Variants in URGCP observed in about 807,000 individuals in gnomAD.
The protein encoded by URGCP is up-regulator of cell proliferation.
Under a neutral mutation model 24.6 loss-of-function variants are expected in URGCP, and 13 were observed. That is an observed-to-expected ratio of 0.53 (90% CI 0.34 to 0.84). The LOEUF (loss-of-function observed/expected upper bound fraction) is 0.84, where lower values mean the gene tolerates loss of function less well. Among genes scored for constraint, URGCP ranks in the 40% least tolerant of loss-of-function variants. The pLI is 0.01. For missense variants in URGCP, 899 were observed against 1,194.3 expected (o/e 0.75, Z 3.64); for synonymous variants, 444 against 487.2 (o/e 0.91, Z 1.17).
chr7:43,894,883 C>G (rs890480572), intron 1 of URGCP, among the ~76,000 whole-genome samples: 2 of 152,016 alleles, frequency 1.3e-5, no homozygotes, highest in African/African-American at 4.8e-5. Context: ...TTGGAAAAAT[C>G]AGCCAACCAT....
intron 1 of URGCP, among the ~76,000 whole-genome samples, chr7:43,890,213 CTTTTTTTTTT>C (rs543947365): frequency 8.3e-5 from 9 of 108,776 alleles, no homozygotes; most frequent in Admixed American, 5.0e-4. Flanking sequence ...CCACTGGAAA[CTTTTTTTTTT>C]TTTTTTTTTG....
At chr7:43,919,026 A>T in intron 1 of URGCP, 4 of 1,123,350 alleles carry the variant, frequency 3.6e-6, no homozygotes, top group Non-Finnish European at 5.5e-6. Flanking sequence ...ATTCTCCCAG[A>T]GGGAGAAGAT....
chr7:43,876,712 T>G lies in URGCP; in HGVS notation c.2751A>C (p.Gln917His). ...CAATGAGCTGCTGGATGTTTTTGTT[T>G]TGGTTCGACAAGCCGTTCCTGATGT... ...LENIRNGLSN[Q>H]NKNIQQLIEL... Residue 917 changes from glutamine (Q) to histidine (H), a missense_variant, in exon 6 of 6, where the codon CAA (glutamine) becomes CAC (histidine). Physicochemically the swap from Gln to His is conservative, Grantham distance 24. Coordinates refer to ENST00000453200, the MANE Select transcript of URGCP (RefSeq NM_001077663.3). 1 of 1,614,260 alleles carries G rather than the reference T, an allele frequency of 6.2e-7. No homozygotes were observed. Among genetic ancestry groups the G allele is most frequent in the Non-Finnish European group, 8.5e-7 (1 of 1,180,052 alleles).
chr7:43,878,826 G>A lies in URGCP; in HGVS notation c.637C>T (p.Leu213Phe), dbSNP rs1377762317. The A allele has an allele frequency of 1.2e-6, 2 of 1,614,050 alleles. No individual in the cohort carries two copies. Among genetic ancestry groups the A allele is most frequent in the Non-Finnish European group, 1.7e-6 (2 of 1,180,020 alleles). Residue 213 changes from leucine (L) to phenylalanine (F), a missense_variant, in exon 6 of 6, where the codon CTC becomes TTC. Transcript: ENST00000453200. The surrounding 1 kb of genome is among the most constrained non-coding windows in gnomAD (Gnocchi z 5.6). ...TCCGAGTCAGGCAACACGAGTGGGA[G>A]TGCAAACTGGCAGAGGGCCATTTTC... Reference protein sequence around the residue: ...ALKMALCQFALPLVLPDSENH... With the variant: ...ALKMALCQFAFPLVLPDSENH...
chr7:43,915,614 G>A (rs895817077), intron 1 of URGCP, among the ~76,000 whole-genome samples: 2 of 152,246 alleles, frequency 1.3e-5, no homozygotes, highest in Non-Finnish European at 2.9e-5. Context: ...AGGGCCCCAT[G>A]CAGCTGTCTG....
chr7:43,910,382 A>ATT (rs1158648185), upstream of URGCP, among the ~76,000 whole-genome samples: 249 of 90,100 alleles, frequency 2.8e-3, 14 homozygotes, highest in African/African-American at 7.7e-3. Context: ...TGTCTGGCTA[A>ATT]TTTTTTTTTT....
chr7:43,910,080 T>C (rs993996761), upstream of URGCP, among the ~76,000 whole-genome samples: 8 of 151,582 alleles, frequency 5.3e-5, no homozygotes, highest in African/African-American at 1.2e-4. Context: ...AAGAGACATA[T>C]AAGAAAATTG....
At chr7:43,920,203 C>T in intron 1 of URGCP, 2 of 544,528 alleles carry the variant, frequency 3.7e-6, no homozygotes, top group South Asian at 4.7e-5. Context: ...GAACACATTA[C>T]TTCTCCTCTT....
In URGCP at chr7:43,877,390, C is replaced by A; in HGVS notation, c.2073G>T (p.Arg691Ser). 6.2e-7 allele frequency: 1 copy of A among 1,613,198 alleles called. No homozygotes were observed. The change falls in exon 6 of 6, where the codon AGG (arginine) becomes AGT (serine). Residue 691 changes from arginine to serine, a missense_variant. By Grantham distance (110) the Arg-to-Ser change is moderately radical. Transcript: ENST00000453200. ...ELHVRLERRSRLVVLSTVGVP... is the reference protein window; with the variant it reads ...ELHVRLERRSSLVVLSTVGVP... ...CCCCGACGGTTGACAGAACCACCAG[C>A]CTTGACCGTCTCTCCAGTCGGACGT...
chr7:43,882,086 C>T (rs2095854798), intron 3 of URGCP, 129 bp from the exon 4 acceptor site: 1 of 1,484,382 alleles, frequency 6.7e-7, no homozygotes, highest in African/African-American at 1.4e-5. Flanking sequence ...GTGCTTGAGT[C>T]CAGGAGTTTG....
intron 1 of URGCP, among the ~76,000 whole-genome samples, chr7:43,922,060 T>C (rs2095923071): frequency 6.6e-6 from 1 of 151,950 alleles, no homozygotes; most frequent in Non-Finnish European, 1.5e-5. Context: ...GCCCAGCTAA[T>C]TTCCGTTTTT....
rs369338342 is a variant in URGCP at position 43,877,826 on chromosome 7, G to A, written c.1637C>T (p.Ser546Leu). The A allele has an allele frequency of 2.1e-5, 34 of 1,609,172 alleles. No individual in the cohort carries two copies. Among genetic ancestry groups the A allele is most frequent in the Non-Finnish European group, 2.5e-5 (30 of 1,177,664 alleles). The change falls in exon 6 of 6, where the codon TCG becomes TTG. Residue 546 changes from serine to leucine, a missense_variant. Physicochemically the swap from Ser to Leu is moderately radical, Grantham distance 145 (BLOSUM62 -2). Coordinates refer to ENST00000453200, the MANE Select transcript of URGCP (RefSeq NM_001077663.3). ...RMQQNGHDPS[S>L]GVQEFISGIS... ...CCCCGAGATGAACTCCTGCACCCCC[G>A]AGGAGGGATCATGGCCGTTCTGCTG...
chr7:43,923,102 G>GCC (rs1214277582), intron 1 of URGCP, among the ~76,000 whole-genome samples: 1 of 151,752 alleles, frequency 6.6e-6, no homozygotes, highest in African/African-American at 2.4e-5. Context: ...TCCTGCTTCA[G>GCC]CCTCCCAACT....
At chr7:43,879,336 G>T (rs2095850548) in intron 5 of URGCP, 76 bp from the exon 6 acceptor site, 1 of 1,496,346 alleles carries the variant, frequency 6.7e-7, no homozygotes, top group African/African-American at 1.4e-5. Context: ...TGGTGAAGGA[G>T]AGCCCAGCAG....
intron 1 of URGCP, among the ~76,000 whole-genome samples, chr7:43,912,724 T>C (rs557207525): frequency 2.0e-5 from 3 of 152,244 alleles, no homozygotes; most frequent in African/African-American, 2.4e-5. Context: ...TTTCCTTTTA[T>C]GTATTTATTC....
upstream of URGCP, chr7:43,907,123 C>T (rs1224820039): frequency 7.7e-6 from 1 of 129,162 alleles, no homozygotes; most frequent in Non-Finnish European, 1.6e-5. Context: ...TTTTATTATT[C>T]TTTATAGTGT....
At chr7:43,883,358 ATATAT>A (rs1350058206) in intron 3 of URGCP, among the ~76,000 whole-genome samples, 13 of 95,824 alleles carry the variant, frequency 1.4e-4, no homozygotes, top group Admixed American at 5.7e-4. Context: ...ATATATATAT[ATATAT>A]TTTTTTTTTT....
intron 1 of URGCP, among the ~76,000 whole-genome samples, chr7:43,896,177 G>C (rs1415707530): frequency 6.6e-6 from 1 of 152,144 alleles, no homozygotes; most frequent in African/African-American, 2.4e-5. Context: ...GGAATGCATG[G>C]GAGAGGGGAG....
At chr7:43,896,617 C>T (rs11763318) in intron 1 of URGCP, among the ~76,000 whole-genome samples, 17,752 of 152,088 alleles carry the variant, frequency 0.12, 1,177 homozygotes, top group Admixed American at 0.18. Flanking sequence ...TTTCCCCATA[C>T]AATGGAAAAT....
Sources: gnomAD v4.1 joint callset for allele counts (sites outside exome capture counted in the v4.1 genomes callset) on GRCh38, gnomAD v4.1.1 for gene constraint, Gnocchi (gnomAD v3.1) non-coding constraint, MANE v1.5 for transcripts, NCBI Gene and HGNC (gene_info 2026-07-23, HGNC 2026-07-21) for gene names.